Variants in WDR7 observed in about 807,000 individuals in gnomAD.
WDR7 encodes the protein WD repeat domain 7.
In WDR7, 46 loss-of-function variants were observed where a neutral mutation model predicts 169.4. The observed-to-expected ratio is 0.27, with a 90% CI of 0.21 to 0.35. The LOEUF (loss-of-function observed/expected upper bound fraction) is 0.35, where lower values mean the gene tolerates loss of function less well. Among genes scored for constraint, WDR7 ranks in the 10% least tolerant of loss-of-function variants. The pLI is 1.00. For synonymous variants in WDR7, 612 were observed against 666.8 expected (o/e 0.92, Z 1.27); for missense variants, 1,534 against 1,859.3 (o/e 0.83, Z 3.22).
intron 16 of WDR7, among the ~76,000 whole-genome samples, chr18:56,771,572 C>T (rs1251376053): frequency 1.4e-5 from 2 of 148,110 alleles, no homozygotes; most frequent in Non-Finnish European, 3.0e-5. Context: ...CCCCCACCCC[C>T]CCCCAAAAAA....
intron 7 of WDR7, among the ~76,000 whole-genome samples, chr18:56,690,009 G>A (rs2025529990): frequency 6.6e-6 from 1 of 152,044 alleles, no homozygotes; most frequent in Admixed American, 6.6e-5. Context: ...TTTCTTTAAA[G>A]AAAAGTAAAA....
At chr18:56,929,913 T>C (rs543738196) in intron 22 of WDR7, among the ~76,000 whole-genome samples, 5 of 152,316 alleles carry the variant, frequency 3.3e-5, no homozygotes, top group African/African-American at 1.2e-4. Flanking sequence ...AAAATCCCAC[T>C]ATACTAAGGA....
At chr18:56,720,361 A>G (rs560028677) in intron 13 of WDR7, among the ~76,000 whole-genome samples, 3 of 152,088 alleles carry the variant, frequency 2.0e-5, no homozygotes, top group Non-Finnish European at 4.4e-5. Context: ...AGGTGAGAGA[A>G]TCACTTGAGA....
chr18:56,750,150 G>A (rs9285375), intron 14 of WDR7, among the ~76,000 whole-genome samples: 10,082 of 152,054 alleles, frequency 0.066, 774 homozygotes, highest in African/African-American at 0.19. Context: ...CTCTTAACCT[G>A]TAATTGTCAC....
At chr18:56,924,826 A>G (rs73438779) in intron 22 of WDR7, among the ~76,000 whole-genome samples, 6,796 of 152,298 alleles carry the variant, frequency 0.045, 523 homozygotes, top group African/African-American at 0.15. Flanking sequence ...CTTAAAGTCT[A>G]TAATTCAGTG....
intron 20 of WDR7, among the ~76,000 whole-genome samples, chr18:56,851,488 CATATA>C (rs552135416): frequency 5.4e-4 from 83 of 152,320 alleles, no homozygotes; most frequent in Non-Finnish European, 9.4e-4. Context: ...CTTAGTTTAA[CATATA>C]ATATATCATA....
At chr18:56,803,346 CTA>C (rs2044710400) in intron 19 of WDR7, among the ~76,000 whole-genome samples, 1 of 152,060 alleles carries the variant, frequency 6.6e-6, no homozygotes, top group Non-Finnish European at 1.5e-5. Context: ...CATTTATTCA[CTA>C]TGTGTAAAGA....
At chr18:56,690,093 T>C (rs2025532217) in intron 7 of WDR7, among the ~76,000 whole-genome samples, 1 of 152,204 alleles carries the variant, frequency 6.6e-6, no homozygotes, top group African/African-American at 2.4e-5. Flanking sequence ...ACATTTAATG[T>C]ACTTTTTTCA....
At chr18:57,018,319 A>G (rs1024227027) in intron 26 of WDR7, among the ~76,000 whole-genome samples, 2 of 152,240 alleles carry the variant, frequency 1.3e-5, no homozygotes, top group Non-Finnish European at 2.9e-5. Context: ...TTAGATGGAT[A>G]TTAGGATCCC....
At chr18:56,961,894 AACT>A (rs1264745343) in intron 25 of WDR7, among the ~76,000 whole-genome samples, 1 of 152,154 alleles carries the variant, frequency 6.6e-6, no homozygotes, top group Non-Finnish European at 1.5e-5. Context: ...TTTTATTCTA[AACT>A]ACTGATATGA....
intron 14 of WDR7, among the ~76,000 whole-genome samples, chr18:56,755,505 C>G (rs181247526): frequency 9.0e-4 from 137 of 152,244 alleles, no homozygotes; most frequent in Non-Finnish European, 1.7e-3. Flanking sequence ...TCTGTCGTGA[C>G]AGCGGGATAG....
At chr18:56,703,550 A>G (rs1414579036) in intron 12 of WDR7, among the ~76,000 whole-genome samples, 1 of 152,128 alleles carries the variant, frequency 6.6e-6, no homozygotes, top group Non-Finnish European at 1.5e-5. Context: ...CAATGTACAT[A>G]ATGTTCTGTG....
chr18:56,951,526 TTG>T lies in WDR7; in HGVS notation c.4065-10900_4065-10899del, dbSNP rs376847524. ...GTTTCTTCTCAGCAACCCTAAGCATTTGTGTTTAGCTTGCTTTTGTGTCTTTG... is the reference window on the plus strand; with the variant it reads ...GTTTCTTCTCAGCAACCCTAAGCATTTGTTTAGCTTGCTTTTGTGTCTTTG... On this transcript the variant is annotated intron_variant, in intron 25 of 27. Coordinates refer to ENST00000254442, the MANE Select transcript of WDR7 (RefSeq NM_015285.3). 5.6e-4 allele frequency among the ~76,000 whole-genome samples: 86 copies of T among 152,308 alleles called. 1 individual carries two copies. The East Asian group carries it at 0.015, about 27-fold the overall frequency.
In WDR7 at chr18:57,027,280, C is replaced by CA; in HGVS notation, c.*74dup. 5 of 1,516,040 alleles carry CA rather than the reference C, an allele frequency of 3.3e-6. No homozygotes were observed. Among genetic ancestry groups the CA allele is most frequent in the Non-Finnish European group, 4.4e-6 (5 of 1,130,562 alleles). The allele number at this position is 1,516,040 out of a possible 1,614,324, so 93.9% of individuals were successfully genotyped here. ...AAGCCGATGTTGCTCTGTCCTTCCT[C>CA]ACACCAGATTGTTCCCAGGGGCCTG... On this transcript the variant is annotated 3_prime_UTR_variant, in exon 28 of 28. Transcript: ENST00000254442.
intron 26 of WDR7, among the ~76,000 whole-genome samples, chr18:57,004,031 G>A (rs2048021547): frequency 6.6e-6 from 1 of 151,718 alleles, no homozygotes. Flanking sequence ...ATGTGTGTGT[G>A]CGCGCACACA....
chr18:56,843,587 A>G (rs879396635), intron 20 of WDR7, among the ~76,000 whole-genome samples: 3 of 152,174 alleles, frequency 2.0e-5, no homozygotes, highest in Non-Finnish European at 1.5e-5. Flanking sequence ...CATTCTACAG[A>G]CACTTGGGTT....
intron 1 of WDR7, among the ~76,000 whole-genome samples, chr18:56,661,143 G>T (rs2024896309): frequency 6.6e-6 from 1 of 152,188 alleles, no homozygotes; most frequent in African/African-American, 2.4e-5. Context: ...AGAAAGTTCA[G>T]TGCTCAGTTT....
At chr18:56,792,080 C>T (rs146067276) in intron 19 of WDR7, among the ~76,000 whole-genome samples, 130 of 152,166 alleles carry the variant, frequency 8.5e-4, no homozygotes, top group African/African-American at 2.9e-3. Flanking sequence ...TGCAGTGGCA[C>T]GATCACGGCT....
At chr18:56,903,495 C>T (rs2046431746) in intron 21 of WDR7, among the ~76,000 whole-genome samples, 1 of 152,160 alleles carries the variant, frequency 6.6e-6, no homozygotes, top group African/African-American at 2.4e-5. Context: ...TCTCGACTCA[C>T]TGCAGCCTCC....
Sources: gnomAD v4.1 joint callset for allele counts (sites outside exome capture counted in the v4.1 genomes callset) on GRCh38, gnomAD v4.1.1 for gene constraint, MANE v1.5 for transcripts, NCBI Gene and HGNC (gene_info 2026-07-23, HGNC 2026-07-21) for gene names.